BACH1: variants seen among roughly 807,000 people sequenced by gnomAD.
The protein encoded by BACH1 is BTB domain and CNC homolog 1.
In BACH1, 35 loss-of-function variants were observed where a neutral mutation model predicts 52.9. The ratio of observed to expected loss-of-function variants is 0.66; its 90% CI spans 0.51 to 0.88. The LOEUF is 0.88. BACH1 is among the 40% of genes least tolerant of loss of function. The probability of loss-of-function intolerance (pLI) is 0.00; values close to 1 mark genes in which losing one functional copy is unlikely to be tolerated. For missense variants in BACH1, 808 were observed against 872.6 expected (o/e 0.93, Z 0.93); for synonymous variants, 321 against 319.6 (o/e 1.00, Z -0.05).
intron 2 of BACH1, among the ~76,000 whole-genome samples, chr21:29,357,458 A>C (rs2123494433): frequency 6.6e-6 from 1 of 152,292 alleles, no homozygotes; most frequent in Admixed American, 6.5e-5. Flanking sequence ...TACATATTTG[A>C]AGCACCAGTC....
At chr21:29,325,472 T>G (rs2088899494) in intron 2 of BACH1, among the ~76,000 whole-genome samples, 1 of 152,226 alleles carries the variant, frequency 6.6e-6, no homozygotes, top group South Asian at 2.1e-4. Context: ...TTTTTATAAC[T>G]TCTCTTAGAT....
rs1485480753 is a variant in BACH1, at chr21:29,342,437, C to T, written c.1815C>T (p.His605=). The part of the protein sequence containing the change: ...EKESLLKERD[H]ILSTLGETKQ... The stretch of plus-strand genomic sequence containing the variant: ...AGAGCTTGTTGAAGGAAAGAGATCA[C>T]ATTTTGTCAACTCTGGGTGAGACAA... Residue 605 remains histidine (H), a synonymous_variant, in exon 5 of 5, where the codon CAC becomes CAT. Transcript: ENST00000286800. 2 of 1,613,980 alleles carry T rather than the reference C, an allele frequency of 1.2e-6. No homozygotes were observed. Among genetic ancestry groups the T allele is most frequent in the Admixed American group, 1.7e-5 (1 of 59,988 alleles).
chr21:29,327,088 A>G lies in BACH1; in HGVS notation c.1264A>G (p.Lys422Glu). Reference protein sequence around the residue: ...CQMQLSPAVAKDGSEQISQKR... With the variant: ...CQMQLSPAVAEDGSEQISQKR... ...AATGCAGTTATCACCTGCTGTGGCC[A>G]AAGATGGCTCAGAACAGATCTCACA... Residue 422 changes from lysine (K) to glutamate (E), a missense_variant, in exon 3 of 5, where the codon AAA becomes GAA. By Grantham distance (56) the Lys-to-Glu change is moderately conservative. Coordinates refer to ENST00000286800, the MANE Select transcript of BACH1 (RefSeq NM_001186.4). The G allele has an allele frequency of 6.2e-7, 1 of 1,614,236 alleles. No homozygotes were observed. Among genetic ancestry groups the G allele is most frequent in the Non-Finnish European group, 8.5e-7 (1 of 1,180,044 alleles).
chr21:29,355,210 G>A (rs1300196192), intron 2 of BACH1, among the ~76,000 whole-genome samples: 1 of 152,136 alleles, frequency 6.6e-6, no homozygotes, highest in Non-Finnish European at 1.5e-5. Context: ...GTGCTGATTG[G>A]TGCGTTTACA....
intron 2 of BACH1, among the ~76,000 whole-genome samples, chr21:29,355,278 G>A (rs1264819113): frequency 6.6e-6 from 1 of 152,084 alleles, no homozygotes; most frequent in East Asian, 1.9e-4. Flanking sequence ...GCTGTTTGGT[G>A]CGTTTACAAA....
At chr21:29,312,801 GAGGACTCAGTTTTTT>G (rs2088741090) in intron 1 of BACH1, among the ~76,000 whole-genome samples, 1 of 152,132 alleles carries the variant, frequency 6.6e-6, no homozygotes, top group African/African-American at 2.4e-5. Context: ...TCATATACTG[GAGGACTCAGTTTTTT>G]AGATGTTGGT....
intron 4 of BACH1, among the ~76,000 whole-genome samples, chr21:29,341,417 A>G (rs1034680451): frequency 7.2e-5 from 11 of 152,240 alleles, no homozygotes; most frequent in African/African-American, 2.7e-4. Context: ...TTTCTTATAA[A>G]TACCTTGATT....
chr21:29,347,232 C>G (rs1813481127), downstream of BACH1, among the ~76,000 whole-genome samples: 1 of 152,186 alleles, frequency 6.6e-6, no homozygotes, highest in Non-Finnish European at 1.5e-5. Flanking sequence ...GCCCAGTGAA[C>G]CTGCTAAAAG....
chr21:29,353,871 G>A (rs1406014990), intron 2 of BACH1, among the ~76,000 whole-genome samples: 2 of 152,152 alleles, frequency 1.3e-5, no homozygotes, highest in Admixed American at 1.3e-4. Context: ...TGGCACTGGT[G>A]GGGGTAAAAG....
intron 2 of BACH1, among the ~76,000 whole-genome samples, chr21:29,322,035 G>T (rs1030938728): frequency 1.3e-5 from 2 of 152,184 alleles, no homozygotes; most frequent in Non-Finnish European, 2.9e-5. Context: ...GACTTACGTG[G>T]TGGTGGGCAA....
chr21:29,358,202 G>A (rs538380886), intron 2 of BACH1, among the ~76,000 whole-genome samples: 1 of 152,260 alleles, frequency 6.6e-6, no homozygotes, highest in African/African-American at 2.4e-5. Context: ...AACTAATTTG[G>A]CCTCAAGATT....
intron 1 of BACH1, among the ~76,000 whole-genome samples, chr21:29,304,628 T>C (rs2123403213): frequency 6.6e-6 from 1 of 152,290 alleles, no homozygotes; most frequent in Admixed American, 6.5e-5. Flanking sequence ...GTAAATAGTA[T>C]AGTAAGGGAA....
chr21:29,304,362 C>G (rs1335221443), intron 1 of BACH1, among the ~76,000 whole-genome samples: 1 of 152,040 alleles, frequency 6.6e-6, no homozygotes, highest in African/African-American at 2.4e-5. Context: ...TGACCTCAAG[C>G]AATCCACCCG....
At chr21:29,342,331 G>C in intron 4 of BACH1, 68 bp from the exon 5 acceptor site, 1 of 1,438,466 alleles carries the variant, frequency 7.0e-7, no homozygotes, top group Non-Finnish European at 9.5e-7. Context: ...TATATTATTT[G>C]ATCGCCTTGG....
In BACH1 at chr21:29,326,757, C is replaced by T; in HGVS notation, c.933C>T (p.His311=). 1.9e-6 allele frequency: 3 copies of T among 1,614,024 alleles called. No homozygotes were observed. Among genetic ancestry groups the T allele is most frequent in the South Asian group, 2.2e-5 (2 of 91,090 alleles). The part of the protein sequence containing the change: ...TEKSEVTPFP[H]NSSIDPHGLY... ...AATCAGAAGTGACTCCTTTCCCCCA[C>T]AATTCTTCCATAGACCCTCATGGAC... The change falls in exon 3 of 5, where the codon CAC becomes CAT. Residue 311 remains histidine, a synonymous_variant. Coordinates refer to ENST00000286800, the MANE Select transcript of BACH1 (RefSeq NM_001186.4).
intron 1 of BACH1, among the ~76,000 whole-genome samples, chr21:29,308,093 T>C (rs976507103): frequency 8.5e-5 from 13 of 152,228 alleles, no homozygotes; most frequent in African/African-American, 3.1e-4. Flanking sequence ...AGATGCTATT[T>C]AAACTGAGCT....
rs1472864409 is a variant in BACH1, at chr21:29,342,921, A to G, written c.*88A>G. 5 of 1,303,522 alleles carry G rather than the reference A, an allele frequency of 3.8e-6. No homozygotes were observed. Among genetic ancestry groups the G allele is most frequent in the South Asian group, 3.2e-5 (2 of 62,996 alleles). 80.7% of individuals were successfully genotyped at this position (1,303,522 alleles called of 1,614,324 possible). A position where few individuals can be genotyped will look rare whatever the true frequency, so the allele number is the denominator to read the frequency against. ...GCCTAATATGACCATCTGTTGCTCA[A>G]CAATACTGTTTTTTTCCTTTAGTAG... On this transcript the variant is annotated 3_prime_UTR_variant, in exon 5 of 5. Transcript: ENST00000286800.
chr21:29,349,054 A>G (rs1601374194), downstream of BACH1, among the ~76,000 whole-genome samples: 1 of 151,860 alleles, frequency 6.6e-6, no homozygotes, highest in East Asian at 1.9e-4. Flanking sequence ...AGATAGCGCC[A>G]CTGCTATCCA....
intron 2 of BACH1, among the ~76,000 whole-genome samples, chr21:29,352,423 TCTCAGATAGAATTTC>T (rs1346839293): frequency 6.6e-6 from 1 of 152,186 alleles, no homozygotes; most frequent in Non-Finnish European, 1.5e-5. Flanking sequence ...ACTTAATGTC[TCTCAGATAGAATTTC>T]CTTATATGTA....
Sources: gnomAD v4.1 joint callset for allele counts (sites outside exome capture counted in the v4.1 genomes callset) on GRCh38, gnomAD v4.1.1 for gene constraint, MANE v1.5 for transcripts, NCBI Gene and HGNC (gene_info 2026-07-23, HGNC 2026-07-21) for gene names.